GLT1D1: variants seen among roughly 807,000 people sequenced by gnomAD.
GLT1D1 encodes glycosyltransferase 1 domain-containing protein 1.
Under a neutral mutation model 28.7 loss-of-function variants are expected in GLT1D1, and 21 were observed. That is an observed-to-expected ratio of 0.73 (90% CI 0.52 to 1.05). The LOEUF is 1.05. Ranked by LOEUF, GLT1D1 falls within the 50% of genes least tolerant of loss-of-function variation. The pLI is 0.00. For missense variants in GLT1D1, 343 were observed against 330.6 expected (o/e 1.04, Z -0.29); for synonymous variants, 147 against 124.8 (o/e 1.18, Z -1.19).
At chr12:128,894,896 A>AT (rs1326255946) in intron 3 of GLT1D1, among the ~76,000 whole-genome samples, 1 of 150,684 alleles carries the variant, frequency 6.6e-6, no homozygotes, top group Non-Finnish European at 1.5e-5. Flanking sequence ...ATATATATAT[A>AT]ACATGGACTC....
chr12:128,967,148 G>GA (rs1452441839), intron 7 of GLT1D1, among the ~76,000 whole-genome samples: 2 of 152,212 alleles, frequency 1.3e-5, no homozygotes, highest in African/African-American at 4.8e-5. Flanking sequence ...CACAGCTATA[G>GA]AAAAACATAA....
intron 4 of GLT1D1, among the ~76,000 whole-genome samples, chr12:128,910,279 T>TG (rs936373813): frequency 7.3e-5 from 11 of 151,474 alleles, no homozygotes; most frequent in Non-Finnish European, 1.2e-4. Context: ...TTTTTTTTTT[T>TG]TTTTTTGGTG....
chr12:128,981,737 C>CT (rs1880337545), intron 7 of GLT1D1, among the ~76,000 whole-genome samples: 1 of 152,182 alleles, frequency 6.6e-6, no homozygotes, highest in African/African-American at 2.4e-5. Context: ...GTAATGAGAG[C>CT]TAAGTATGTG....
intron 1 of GLT1D1, among the ~76,000 whole-genome samples, chr12:128,858,008 G>A (rs369561246): frequency 2.6e-5 from 4 of 152,160 alleles, no homozygotes; most frequent in East Asian, 3.9e-4. Context: ...GACCAAGTTT[G>A]CTTTGTGGCT....
intron 2 of GLT1D1, among the ~76,000 whole-genome samples, chr12:128,878,503 C>T (rs1280866323): frequency 6.6e-6 from 1 of 152,218 alleles, no homozygotes; most frequent in Non-Finnish European, 1.5e-5. Context: ...TGCATCCGTG[C>T]CTGAACAATC....
At chr12:128,857,140 C>T (rs1198359227) in intron 1 of GLT1D1, among the ~76,000 whole-genome samples, 2 of 152,170 alleles carry the variant, frequency 1.3e-5, no homozygotes, top group East Asian at 1.9e-4. Flanking sequence ...CACAAGGTCA[C>T]GTTACTTTTG....
At chr12:128,920,043 A>G (rs1872528430) in intron 4 of GLT1D1, among the ~76,000 whole-genome samples, 1 of 149,674 alleles carries the variant, frequency 6.7e-6, no homozygotes, top group Admixed American at 6.7e-5. Flanking sequence ...TATTTCTATA[A>G]TGGAAACTCA....
chr12:128,883,569 G>A (rs1429486023), intron 2 of GLT1D1, among the ~76,000 whole-genome samples: 3 of 137,918 alleles, frequency 2.2e-5, no homozygotes, highest in African/African-American at 8.4e-5. Flanking sequence ...TAGCCTGGGC[G>A]ACAGAGCTAG....
At chr12:128,875,309 G>A (rs1956845555) in intron 1 of GLT1D1, among the ~76,000 whole-genome samples, 1 of 152,202 alleles carries the variant, frequency 6.6e-6, no homozygotes, top group African/African-American at 2.4e-5. Context: ...TGTGCCCCAT[G>A]TCTGAAGGCT....
At chr12:128,943,398 A>T (rs1460183032) in intron 4 of GLT1D1, among the ~76,000 whole-genome samples, 2 of 144,138 alleles carry the variant, frequency 1.4e-5, no homozygotes, top group Non-Finnish European at 3.1e-5. Context: ...CTTGTTATTT[A>T]TCAGGGCGGA....
chr12:128,862,981 G>A (rs1016748535), intron 1 of GLT1D1, among the ~76,000 whole-genome samples: 2 of 152,182 alleles, frequency 1.3e-5, no homozygotes, highest in Non-Finnish European at 2.9e-5. Context: ...GTTCCAGAGG[G>A]CGTAGGGTCC....
chr12:128,977,021 C>A (rs11060050), intron 7 of GLT1D1, among the ~76,000 whole-genome samples: 18,336 of 152,202 alleles, frequency 0.12, 1,402 homozygotes, highest in Non-Finnish European at 0.17. Flanking sequence ...TGGCACAAGC[C>A]TGTAATCCCA....
At chr12:128,897,835 AT>A (rs776568897) in intron 3 of GLT1D1, among the ~76,000 whole-genome samples, 1 of 151,536 alleles carries the variant, frequency 6.6e-6, no homozygotes, top group Non-Finnish European at 1.5e-5. Context: ...TGCCCGGCTA[AT>A]TTTTTGTATT....
intron 3 of GLT1D1, among the ~76,000 whole-genome samples, chr12:128,891,433 G>T (rs752102627): frequency 3.9e-5 from 6 of 152,212 alleles, no homozygotes; most frequent in Non-Finnish European, 7.3e-5. Flanking sequence ...GGTCCAACAA[G>T]TACTGCCTAA....
chr12:128,928,476 T>C (rs1381919540), intron 4 of GLT1D1, among the ~76,000 whole-genome samples: 1 of 152,160 alleles, frequency 6.6e-6, no homozygotes, highest in African/African-American at 2.4e-5. Flanking sequence ...TTAGGATTCA[T>C]AGAATCTGTG....
intron 4 of GLT1D1, among the ~76,000 whole-genome samples, chr12:128,943,835 C>G (rs1219415815): frequency 1.3e-5 from 2 of 152,240 alleles, no homozygotes; most frequent in Non-Finnish European, 2.9e-5. Context: ...TTCCACAACG[C>G]TGGAGATGTC....
chr12:128,974,652 G>A (rs992404591), intron 7 of GLT1D1, among the ~76,000 whole-genome samples: 12 of 152,312 alleles, frequency 7.9e-5, no homozygotes, highest in East Asian at 1.9e-4. Flanking sequence ...TTTGTCCTGC[G>A]TCACGGGACT....
chr12:128,973,235 T>C (rs1044158035), intron 7 of GLT1D1, among the ~76,000 whole-genome samples: 9 of 130,804 alleles, frequency 6.9e-5, no homozygotes, highest in African/African-American at 2.5e-4. Context: ...CGGGCTGGAG[T>C]CCAGTGACAC....
intron 6 of GLT1D1, among the ~76,000 whole-genome samples, chr12:128,955,035 G>T (rs1877133354): frequency 6.6e-6 from 1 of 152,052 alleles, no homozygotes; most frequent in African/African-American, 2.4e-5. Flanking sequence ...AGATTTTATT[G>T]TCTCTGTTTA....
Sources: gnomAD v4.1 joint callset for allele counts (sites outside exome capture counted in the v4.1 genomes callset) on GRCh38, gnomAD v4.1.1 for gene constraint, MANE v1.5 for transcripts, NCBI Gene and HGNC (gene_info 2026-07-23, HGNC 2026-07-21) for gene names.